Variants in PLCB1 observed in about 807,000 individuals in gnomAD.
The protein encoded by PLCB1 is 1-phosphatidylinositol 4,5-bisphosphate phosphodiesterase beta-1.
In PLCB1, 46 loss-of-function variants were observed where a neutral mutation model predicts 161.8. The observed-to-expected ratio is 0.28, with a 90% confidence interval of 0.22 to 0.36. The LOEUF (loss-of-function observed/expected upper bound fraction) is 0.36. Ranked by LOEUF, PLCB1 falls within the 10% of genes least tolerant of loss-of-function variation. The pLI, the probability that PLCB1 is intolerant of heterozygous loss-of-function variation, is 1.00. For synonymous variants in PLCB1, 517 were observed against 503.7 expected, an observed-to-expected ratio of 1.03 and a Z score of -0.35; for missense variants, 1,016 against 1,472.5, an observed-to-expected ratio of 0.69 and a Z score of 5.07.
At chr20:8,344,062 A>G (rs1041064244) in intron 2 of PLCB1, among the ~76,000 whole-genome samples, 2 of 152,050 alleles carry the variant, frequency 1.3e-5, no homozygotes, top group African/African-American at 4.8e-5. Flanking sequence ...GGTCTGCCCT[A>G]TTTTTGTTAA....
At position 8,790,259 on chromosome 20, in the gene PLCB1, A is replaced by G. The variant is rs1983689055; in HGVS notation, c.3421A>G (p.Lys1141Glu). 6.2e-7 allele frequency: 1 copy of G among 1,606,662 alleles called. No individual in the cohort carries two copies. The highest frequency in any genetic ancestry group is 8.5e-7 in the Non-Finnish European group (1 of 1,174,728). ...TCAGCAGATCCTGGATGAAAAGCCC[A>G]AGGTAAACGGAACTGAATTAAAATG... The part of the protein sequence containing the change: ...IRQQILDEKP[K>E]LQVELEQEYQ... The change falls in exon 31 of 32, where the codon AAG becomes GAG. Residue 1141 changes from lysine to glutamate, a missense_variant and splice_region_variant. Lys to Glu is a moderately conservative substitution (Grantham distance 56). Around this residue, in one of 10 missense-constraint regions of PLCB1, gnomAD observed 398 missense variants for 445.4 expected, o/e 0.89. Transcript: ENST00000338037.
chr20:8,229,174 C>A (rs1397960465), intron 2 of PLCB1, among the ~76,000 whole-genome samples: 1 of 151,978 alleles, frequency 6.6e-6, no homozygotes, highest in Non-Finnish European at 1.5e-5. Context: ...CAGGCTTTTT[C>A]CTGAATACAT....
chr20:8,685,545 G>C (rs1214174065), intron 10 of PLCB1, among the ~76,000 whole-genome samples: 1 of 125,774 alleles, frequency 8.0e-6, no homozygotes, highest in African/African-American at 2.9e-5. Context: ...TCAATATGGC[G>C]AAACCCCTGT....
At chr20:8,240,719 C>A (rs999472490) in intron 2 of PLCB1, among the ~76,000 whole-genome samples, 1 of 151,924 alleles carries the variant, frequency 6.6e-6, no homozygotes, top group African/African-American at 2.4e-5. Context: ...GAAGGTAAGG[C>A]ACAGAGATTT....
intron 2 of PLCB1, among the ~76,000 whole-genome samples, chr20:8,293,634 T>C (rs1051645535): frequency 1.3e-5 from 2 of 152,070 alleles, no homozygotes; most frequent in Non-Finnish European, 2.9e-5. Context: ...AGCATTGCTT[T>C]TGTATAAAGT....
chr20:8,806,936 C>T (rs955142263), intron 31 of PLCB1, among the ~76,000 whole-genome samples: 29 of 152,194 alleles, frequency 1.9e-4, no homozygotes, highest in Admixed American at 8.5e-4. Context: ...AGATTCAGGG[C>T]GACTGCTTTG....
chr20:8,229,438 T>G (rs565969137), intron 2 of PLCB1, among the ~76,000 whole-genome samples: 2 of 152,274 alleles, frequency 1.3e-5, no homozygotes, highest in Non-Finnish European at 1.5e-5. Context: ...AGCACTGATA[T>G]AGATCCACAG....
chr20:8,859,801 G>A (rs757344589), intron 31 of PLCB1, among the ~76,000 whole-genome samples: 4 of 151,712 alleles, frequency 2.6e-5, no homozygotes, highest in African/African-American at 9.7e-5. Flanking sequence ...AGAATGTGGT[G>A]AAACCTGGAA....
At chr20:8,692,860 C>T (rs929080837) in intron 10 of PLCB1, among the ~76,000 whole-genome samples, 4 of 152,130 alleles carry the variant, frequency 2.6e-5, no homozygotes, top group African/African-American at 9.7e-5. Context: ...TCCCCTCAAT[C>T]TGGTAGGCAT....
At chr20:8,629,655 G>A (rs1355696116) in intron 4 of PLCB1, among the ~76,000 whole-genome samples, 5 of 152,128 alleles carry the variant, frequency 3.3e-5, no homozygotes, top group Non-Finnish European at 5.9e-5. Context: ...AGCTTCTCAT[G>A]TCATGCATCA....
intron 3 of PLCB1, among the ~76,000 whole-genome samples, chr20:8,522,169 C>G (rs1056419374): frequency 6.6e-6 from 1 of 152,186 alleles, no homozygotes; most frequent in African/African-American, 2.4e-5. Flanking sequence ...CGCCTCACCT[C>G]AAGGCTAGAC....
At chr20:8,214,361 A>G (rs1979001983) in intron 2 of PLCB1, among the ~76,000 whole-genome samples, 3 of 151,970 alleles carry the variant, frequency 2.0e-5, no homozygotes, top group Admixed American at 1.3e-4. Context: ...ACTTCTCAGG[A>G]GATCTGCCTA....
chr20:8,183,186 AGGAGATTG>A (rs1268479200), intron 2 of PLCB1, among the ~76,000 whole-genome samples: 1 of 152,176 alleles, frequency 6.6e-6, no homozygotes, highest in Non-Finnish European at 1.5e-5. Context: ...CTTGTAGAGA[AGGAGATTG>A]GCTATCTTTC....
intron 2 of PLCB1, among the ~76,000 whole-genome samples, chr20:8,303,253 G>T (rs112354787): frequency 3.6e-4 from 55 of 152,250 alleles, no homozygotes; most frequent in African/African-American, 1.3e-3. Flanking sequence ...GGGTTTCAAC[G>T]TAAAGGTCAT....
At chr20:8,762,278 G>A (rs1054374789) in intron 25 of PLCB1, among the ~76,000 whole-genome samples, 6 of 152,126 alleles carry the variant, frequency 3.9e-5, no homozygotes, top group South Asian at 2.1e-4. Context: ...AGACAGCAGT[G>A]TTCCTAGAAT....
At chr20:8,443,513 T>C (rs1980665302) in intron 3 of PLCB1, among the ~76,000 whole-genome samples, 1 of 152,186 alleles carries the variant, frequency 6.6e-6, no homozygotes, top group Non-Finnish European at 1.5e-5. Context: ...GGCTTAGTTT[T>C]CTGTTTGGTG....
chr20:8,226,439 A>T (rs1979687467), intron 2 of PLCB1, among the ~76,000 whole-genome samples: 1 of 152,144 alleles, frequency 6.6e-6, no homozygotes, highest in African/African-American at 2.4e-5. Context: ...AATGAGGAGA[A>T]GCTGGGGGCC....
intron 2 of PLCB1, among the ~76,000 whole-genome samples, chr20:8,179,233 A>T (rs1452550335): frequency 6.6e-6 from 1 of 152,166 alleles, no homozygotes; most frequent in Non-Finnish European, 1.5e-5. Context: ...CAGTATGGCC[A>T]GTTTATCAAT....
At chr20:8,871,165 A>G (rs1464887121) in intron 31 of PLCB1, among the ~76,000 whole-genome samples, 2 of 152,236 alleles carry the variant, frequency 1.3e-5, no homozygotes, top group Non-Finnish European at 2.9e-5. Context: ...ATTGTAATCT[A>G]TGGCTAATTC....
Sources: allele counts gnomAD v4.1 joint callset (sites outside exome capture counted in the v4.1 genomes callset), GRCh38; gene constraint gnomAD v4.1.1; regional missense constraint gnomAD v4.1.1; transcripts MANE v1.5; gene names NCBI Gene and HGNC (gene_info 2026-07-23, HGNC 2026-07-21).